The following HECW1 variants were observed in gnomAD, a reference collection of about 807,000 sequenced individuals.
The protein encoded by HECW1 is E3 ubiquitin-protein ligase HECW1.
HECW1 carries 61 observed loss-of-function variants against 182.3 expected under a neutral mutation model. That is an observed-to-expected ratio of 0.33 (90% CI 0.27 to 0.41). The LOEUF (loss-of-function observed/expected upper bound fraction) is 0.41, where lower values mean the gene tolerates loss of function less well. Ranked by LOEUF, HECW1 falls within the 10% of genes least tolerant of loss-of-function variation. The pLI, the probability that HECW1 is intolerant of heterozygous loss-of-function variation, is 1.00. For synonymous variants in HECW1, 859 were observed against 832.6 expected (o/e 1.03, Z -0.55); for missense variants, 1,739 against 2,108.9 (o/e 0.82, Z 3.44).
At chr7:43,161,249 G>GT (rs1028224285) in intron 2 of HECW1, among the ~76,000 whole-genome samples, 6 of 151,850 alleles carry the variant, frequency 4.0e-5, no homozygotes, top group African/African-American at 1.5e-4. Context: ...ATTGCTTTGG[G>GT]TTTTTTTTAA....
At chr7:43,405,619 T>C (rs535394414) in intron 7 of HECW1, among the ~76,000 whole-genome samples, 117 of 152,244 alleles carry the variant, frequency 7.7e-4, no homozygotes, top group Non-Finnish European at 1.4e-3. Flanking sequence ...GTGCTGGTCA[T>C]GTGTGCATCT....
At chr7:43,434,135 T>C (rs1401173343) in intron 8 of HECW1, among the ~76,000 whole-genome samples, 1 of 152,134 alleles carries the variant, frequency 6.6e-6, no homozygotes, top group Non-Finnish European at 1.5e-5. Flanking sequence ...TGTGCCTTAG[T>C]AATAGGACAA....
At chr7:43,474,315 G>A (rs1002332320) in intron 16 of HECW1, among the ~76,000 whole-genome samples, 8 of 152,296 alleles carry the variant, frequency 5.3e-5, no homozygotes, top group African/African-American at 1.7e-4. Flanking sequence ...TGGGCATGGT[G>A]GCGGGTGCCT....
chr7:43,492,705 A>G (rs1002075605), intron 18 of HECW1, among the ~76,000 whole-genome samples: 12 of 152,178 alleles, frequency 7.9e-5, no homozygotes, highest in African/African-American at 2.9e-4. Flanking sequence ...CTTTGCACTC[A>G]TAAAGAATCT....
chr7:43,290,137 G>A (rs1271608176), intron 3 of HECW1, among the ~76,000 whole-genome samples: 1 of 152,236 alleles, frequency 6.6e-6, no homozygotes. Flanking sequence ...TCTGGAAAGT[G>A]AAGGCCTGTC....
At chr7:43,559,022 T>C (rs1002499422) in intron 29 of HECW1, among the ~76,000 whole-genome samples, 4 of 152,224 alleles carry the variant, frequency 2.6e-5, no homozygotes, top group Admixed American at 1.3e-4. Flanking sequence ...GGCTGAACAA[T>C]TGGCAGCAAA....
intron 3 of HECW1, among the ~76,000 whole-genome samples, chr7:43,250,135 G>A (rs55735988): frequency 0.15 from 22,222 of 148,898 alleles, 2,610 homozygotes; most frequent in African/African-American, 0.32. Flanking sequence ...ACACACACAC[G>A]CGCACACACA....
At chr7:43,440,309 A>G (rs2076845840) in intron 9 of HECW1, 1 of 152,324 alleles carries the variant, frequency 6.6e-6, no homozygotes, top group South Asian at 2.1e-4. Context: ...AGATATTTGC[A>G]CCTTTCCCCC....
chr7:43,546,219 C>CTTTTTTT (rs34255651), intron 26 of HECW1, among the ~76,000 whole-genome samples: 7 of 91,874 alleles, frequency 7.6e-5, no homozygotes, highest in Admixed American at 1.4e-4. Flanking sequence ...TACCCCCAAC[C>CTTTTTTT]TTTTTTTTTT....
At chr7:43,134,900 A>C (rs1296514834) in intron 2 of HECW1, among the ~76,000 whole-genome samples, 1 of 152,188 alleles carries the variant, frequency 6.6e-6, no homozygotes, top group East Asian at 1.9e-4. Flanking sequence ...ACTTGGGTAC[A>C]TTTAAGAGTT....
intron 15 of HECW1, among the ~76,000 whole-genome samples, chr7:43,468,580 G>A (rs574004705): frequency 3.8e-4 from 58 of 151,984 alleles, no homozygotes; most frequent in African/African-American, 1.2e-3. Flanking sequence ...GGAGTGCAAC[G>A]GCACAATCAT....
At chr7:43,474,853 G>A (rs1304269103) in intron 16 of HECW1, among the ~76,000 whole-genome samples, 1 of 152,190 alleles carries the variant, frequency 6.6e-6, no homozygotes, top group Non-Finnish European at 1.5e-5. Flanking sequence ...GAACCTTGAA[G>A]ACATTGTGCT....
intron 24 of HECW1, among the ~76,000 whole-genome samples, chr7:43,535,225 G>A (rs1427202773): frequency 1.3e-5 from 2 of 152,176 alleles, no homozygotes; most frequent in African/African-American, 2.4e-5. Context: ...GAGTCTTTTT[G>A]GGGCCTTTAA....
intron 16 of HECW1, among the ~76,000 whole-genome samples, chr7:43,475,075 G>A (rs537808505): frequency 5.3e-5 from 8 of 152,190 alleles, no homozygotes; most frequent in Admixed American, 3.9e-4. Flanking sequence ...TTGCACAACC[G>A]TGAGAATTTA....
chr7:43,357,907 A>G (rs998761179), intron 5 of HECW1, among the ~76,000 whole-genome samples: 4 of 152,228 alleles, frequency 2.6e-5, no homozygotes, highest in African/African-American at 9.6e-5. Context: ...ATAAAAAACT[A>G]TAAATGGAAG....
chr7:43,512,051 T>A (rs1303927588), intron 24 of HECW1: 1 of 217,180 alleles, frequency 4.6e-6, no homozygotes, highest in Non-Finnish European at 9.3e-6. Context: ...TGGGCGTAGC[T>A]GCTGCTGATC....
intron 3 of HECW1, among the ~76,000 whole-genome samples, chr7:43,255,418 G>A (rs1367548307): frequency 6.6e-6 from 1 of 152,006 alleles, no homozygotes; most frequent in Non-Finnish European, 1.5e-5. Flanking sequence ...GGCCAACATG[G>A]TGAAACCCCC....
chr7:43,289,424 G>T (rs1805096239), intron 3 of HECW1, among the ~76,000 whole-genome samples: 1 of 152,196 alleles, frequency 6.6e-6, no homozygotes, highest in Non-Finnish European at 1.5e-5. Context: ...TTCTAATGCT[G>T]TCCCTACATG....
chr7:43,466,416 C>T (rs2304330), intron 14 of HECW1, 31 bp from the exon 15 acceptor site: 8 of 1,607,290 alleles, frequency 5.0e-6, no homozygotes, highest in Non-Finnish European at 6.8e-6. Context: ...TTTCCCAATG[C>T]ATTCTGTTGC....
Sources: allele counts gnomAD v4.1 joint callset (sites outside exome capture counted in the v4.1 genomes callset), GRCh38; gene constraint gnomAD v4.1.1; transcripts MANE v1.5; gene names NCBI Gene and HGNC (gene_info 2026-07-23, HGNC 2026-07-21).